PLA2G4A: variants seen among roughly 807,000 people sequenced by gnomAD.
PLA2G4A encodes the protein phospholipase A2 group IVA.
A neutral mutation model predicts 81.9 loss-of-function variants in PLA2G4A; 40 were observed. That is an observed-to-expected ratio of 0.49 (90% CI 0.38 to 0.64). The LOEUF (loss-of-function observed/expected upper bound fraction) is 0.64. PLA2G4A is among the 30% of genes least tolerant of loss of function. The pLI is 0.00. For synonymous variants in PLA2G4A, 302 were observed against 296.9 expected (o/e 1.02, Z -0.18); for missense variants, 715 against 905.1 (o/e 0.79, Z 2.69).
At chr1:186,955,967 C>T (rs1656735423) in intron 13 of PLA2G4A, 135 bp from the exon 14 acceptor site, 1 of 712,114 alleles carries the variant, frequency 1.4e-6, no homozygotes, top group South Asian at 1.4e-5. Flanking sequence ...GTCTCAATCT[C>T]TTGACCTCAT....
chr1:186,922,577 C>G (rs927602906), intron 7 of PLA2G4A, among the ~76,000 whole-genome samples: 2 of 152,190 alleles, frequency 1.3e-5, no homozygotes, highest in Admixed American at 6.5e-5. Flanking sequence ...TGGCCAGAGT[C>G]CCCTGCAGGG....
chr1:186,911,424 T>C (rs1300531976), intron 7 of PLA2G4A, 35 bp downstream of exon 7: 2 of 1,470,990 alleles, frequency 1.4e-6, no homozygotes, highest in Non-Finnish European at 1.9e-6. Flanking sequence ...TACTATACTT[T>C]AATAATAATT....
At chr1:186,920,670 G>T (rs1655316324) in intron 7 of PLA2G4A, among the ~76,000 whole-genome samples, 2 of 152,152 alleles carry the variant, frequency 1.3e-5, no homozygotes, top group Admixed American at 1.3e-4. Context: ...AGGCGCATTG[G>T]TTAGGTTGCA....
At chr1:186,859,182 T>C (rs1038635496) in intron 2 of PLA2G4A, among the ~76,000 whole-genome samples, 5 of 152,092 alleles carry the variant, frequency 3.3e-5, no homozygotes, top group African/African-American at 1.2e-4. Flanking sequence ...AGGGACATGT[T>C]GGAGAATCCT....
At chr1:186,866,110 A>G (rs555380157) in intron 2 of PLA2G4A, among the ~76,000 whole-genome samples, 1 of 152,312 alleles carries the variant, frequency 6.6e-6, no homozygotes, top group Admixed American at 6.5e-5. Context: ...GAATTCAGTA[A>G]TATAATTTCC....
intron 15 of PLA2G4A, among the ~76,000 whole-genome samples, chr1:186,974,390 G>T (rs1391076821): frequency 6.6e-6 from 1 of 152,106 alleles, no homozygotes; most frequent in African/African-American, 2.4e-5. Context: ...AGCTACTCAG[G>T]AGGCTGAGGC....
At chr1:186,962,980 T>C (rs1315697934) in intron 14 of PLA2G4A, among the ~76,000 whole-genome samples, 1 of 152,174 alleles carries the variant, frequency 6.6e-6, no homozygotes, top group Non-Finnish European at 1.5e-5. Context: ...GACAATTTAT[T>C]TTACCTCTGT....
At chr1:186,867,912 A>G (rs1352618438) in intron 2 of PLA2G4A, among the ~76,000 whole-genome samples, 2 of 151,876 alleles carry the variant, frequency 1.3e-5, no homozygotes, top group East Asian at 3.9e-4. Context: ...TTATGGATGG[A>G]TGTTAAATTT....
intron 9 of PLA2G4A, among the ~76,000 whole-genome samples, chr1:186,939,528 C>T (rs1477995030): frequency 1.3e-5 from 2 of 150,210 alleles, no homozygotes; most frequent in East Asian, 1.9e-4. Context: ...CATTTTAACC[C>T]TTAACTGCCC....
chr1:186,849,941 G>A (rs773357110), intron 1 of PLA2G4A, among the ~76,000 whole-genome samples: 18 of 152,058 alleles, frequency 1.2e-4, no homozygotes, highest in Admixed American at 4.6e-4. Context: ...AGCCCTGAGT[G>A]GGAAAGAGCT....
In PLA2G4A at chr1:186,946,762, C is replaced by A. The variant is rs776200451; in HGVS notation, c.1159C>A (p.His387Asn). The A allele has an allele frequency of 1.9e-6, 3 of 1,611,098 alleles. No individual in the cohort carries two copies. Among genetic ancestry groups the A allele is most frequent in the Non-Finnish European group, 2.5e-6 (3 of 1,177,600 alleles). The change falls in exon 11 of 18, where the codon CAT becomes AAT. Residue 387 changes from histidine to asparagine, a missense_variant. By Grantham distance (68) the His-to-Asn change is moderately conservative (BLOSUM62 1). Transcript: ENST00000367466. ...VVKKYEENPL[H>N]FLMGVWGSAF... is the part of the protein sequence containing the mutation. ...TAAGAAGTATGAAGAAAACCCCTTGCATTTCTTAATGGGTAAGTGATCAAA... is the reference window on the plus strand; with the variant it reads ...TAAGAAGTATGAAGAAAACCCCTTGAATTTCTTAATGGGTAAGTGATCAAA...
chr1:186,877,591 T>C (rs1653548423), intron 3 of PLA2G4A, among the ~76,000 whole-genome samples: 1 of 150,850 alleles, frequency 6.6e-6, no homozygotes, highest in Non-Finnish European at 1.5e-5. Flanking sequence ...CCGAAAACAC[T>C]TGGGTATATT....
At chr1:186,930,548 G>A (rs78084021) in intron 7 of PLA2G4A, among the ~76,000 whole-genome samples, 1,767 of 152,254 alleles carry the variant, frequency 0.012, 41 homozygotes, top group African/African-American at 0.04. Flanking sequence ...CTGAATAACA[G>A]TGCAGGCTGT....
rs1657960619 is a variant in PLA2G4A, at chr1:186,988,402, G to A, written c.2144G>A (p.Ser715Asn). The A allele has an allele frequency of 6.2e-7, 1 of 1,612,052 alleles. No individual in the cohort carries two copies. Among genetic ancestry groups the A allele is most frequent in the Non-Finnish European group, 8.5e-7 (1 of 1,178,340 alleles). The change falls in exon 18 of 18, where the codon AGC (serine) becomes AAC (asparagine). Residue 715 changes from serine (S) to asparagine (N), a missense_variant. Transcript: ENST00000367466. ...IDVIKEAMVESIEYRRQNPSR... is the reference protein window; with the variant it reads ...IDVIKEAMVENIEYRRQNPSR... Reference sequence around the variant, plus strand: ...GTGATAAAAGAAGCCATGGTTGAAAGCATTGAATATAGAAGACAGAATCCA... The same window carrying A: ...GTGATAAAAGAAGCCATGGTTGAAAACATTGAATATAGAAGACAGAATCCA...
chr1:186,880,180 C>T (rs769197051), intron 3 of PLA2G4A, among the ~76,000 whole-genome samples: 52 of 151,888 alleles, frequency 3.4e-4, no homozygotes, highest in Non-Finnish European at 6.3e-4. Context: ...GCTTAAATAA[C>T]CCTTTGGAAA....
chr1:186,867,908 A>G (rs1286182806), intron 2 of PLA2G4A, among the ~76,000 whole-genome samples: 1 of 151,908 alleles, frequency 6.6e-6, no homozygotes, highest in Non-Finnish European at 1.5e-5. Flanking sequence ...ATTATTATGG[A>G]TGGATGTTAA....
chr1:186,922,835 C>T (rs1372883856), intron 7 of PLA2G4A, among the ~76,000 whole-genome samples: 1 of 152,172 alleles, frequency 6.6e-6, no homozygotes, highest in Admixed American at 6.5e-5. Context: ...TAAGGGGGTC[C>T]ACTTGAGTGG....
chr1:186,868,738 T>C (rs1335668865), intron 2 of PLA2G4A, among the ~76,000 whole-genome samples: 1 of 152,176 alleles, frequency 6.6e-6, no homozygotes, highest in East Asian at 1.9e-4. Context: ...TGTCTATTTC[T>C]TCTTATGTAA....
At chr1:186,969,754 G>T (rs1465055613) in intron 15 of PLA2G4A, among the ~76,000 whole-genome samples, 2 of 151,180 alleles carry the variant, frequency 1.3e-5, no homozygotes, top group African/African-American at 4.9e-5. Context: ...TTTTTTTTAT[G>T]TCTGAATAAT....
Sources: gnomAD v4.1 joint callset for allele counts (sites outside exome capture counted in the v4.1 genomes callset) on GRCh38, gnomAD v4.1.1 for gene constraint, MANE v1.5 for transcripts, NCBI Gene and HGNC (gene_info 2026-07-23, HGNC 2026-07-21) for gene names.